Variants in DLEC1 observed in about 807,000 individuals in gnomAD.
The protein encoded by DLEC1 is DLEC1 cilia and flagella associated protein.
DLEC1 carries 146 observed loss-of-function variants against 198.1 expected under a neutral mutation model. The ratio of observed to expected loss-of-function variants is 0.74; its 90% CI spans 0.64 to 0.85. The LOEUF (loss-of-function observed/expected upper bound fraction) is 0.85, where lower values mean the gene tolerates loss of function less well. DLEC1 is among the 40% of genes least tolerant of loss of function. The probability of loss-of-function intolerance (pLI) is 0.00; values close to 1 mark genes in which losing one functional copy is unlikely to be tolerated. For missense variants in DLEC1, 2,233 were observed against 2,220.0 expected (o/e 1.01, Z -0.12); for synonymous variants, 897 against 866.8 (o/e 1.03, Z -0.61).
In DLEC1 at chr3:38,112,397, G is replaced by A. The variant is rs750230068; in HGVS notation, c.3666+36G>A. On this transcript the variant is annotated intron_variant, in intron 25 of 36. Transcript: ENST00000308059. This position sits in a 1 kb window ranked among gnomAD's most constrained non-coding sequence, Gnocchi z 4.8. ...ACAAGAGGGCAGTGGCCTGGGGGGT[G>A]GAGAGTCTGCCCAGCCCTCGCCTTC... The A allele has an allele frequency of 1.9e-6, 3 of 1,607,210 alleles. No individual in the cohort carries two copies. The African/African-American group carries it at 4.0e-5, about 21-fold the overall frequency.
intron 34 of DLEC1, among the ~76,000 whole-genome samples, chr3:38,121,335 G>A (rs1395991370): frequency 1.3e-5 from 2 of 152,242 alleles, no homozygotes; most frequent in Admixed American, 6.5e-5. Context: ...ACCACAGGAG[G>A]AGCAGTGAAG....
At position 38,097,349 on chromosome 3, in the gene DLEC1, G is replaced by T. The variant is rs1384387913; in HGVS notation, c.2434+74G>T. 4.0e-5 allele frequency: 61 copies of T among 1,537,022 alleles called. 1 individual carries two copies. The South Asian group carries it at 4.5e-4, about 11-fold the overall frequency. On this transcript the variant is annotated intron_variant, in intron 16 of 36. Coordinates refer to ENST00000308059, the MANE Select transcript of DLEC1 (RefSeq NM_007335.4). ...AGGAAGAAATCTTCAGAGTTAAAGG[G>T]GCTTATGCAGGGCTCTTGGTGTCCT...
In DLEC1 at chr3:38,100,406, G is replaced by A. The variant is rs776389172; in HGVS notation, c.2845G>A (p.Val949Met). The change falls in exon 19 of 37, where the codon GTG becomes ATG. Residue 949 changes from valine to methionine, a missense_variant. By Grantham distance (21) the Val-to-Met change is conservative. Coordinates refer to ENST00000308059, the MANE Select transcript of DLEC1 (RefSeq NM_007335.4). ...QHLETVLELE[V>M]ENGAWSYLPV... ...TCTGGAGACCGTCCTGGAGCTGGAG[G>A]TGGAAAATGGTGCCTGGAGGTAAGG... 4.0e-5 allele frequency: 65 copies of A among 1,612,832 alleles called. No individual in the cohort carries two copies. Among genetic ancestry groups the A allele is most frequent in the Non-Finnish European group, 5.0e-5 (59 of 1,179,668 alleles).
rs1700244227 is a variant in DLEC1, at chr3:38,117,529, TAA to T, written c.4404_4405del (p.Ser1469CysfsTer17). The T allele has an allele frequency of 6.2e-7, 1 of 1,614,028 alleles. No homozygotes were observed. The highest frequency in any genetic ancestry group is 1.3e-5 in the African/African-American group (1 of 74,920). ...CAACAATGCCTATTGCTGGGCAGGC[TAA>T]GTGTGGAGCTGGACTACGGCGGCAG... On this transcript the variant is annotated frameshift_variant, in exon 32 of 37. Coordinates refer to ENST00000308059, the MANE Select transcript of DLEC1 (RefSeq NM_007335.4). LOFTEE classifies it high-confidence loss of function.
At position 38,045,526 on chromosome 3, in the gene DLEC1, G is replaced by T. The variant is rs1466960976; in HGVS notation, c.412-17G>T. On this transcript the variant is annotated splice_polypyrimidine_tract_variant and intron_variant, in intron 1 of 36. Transcript: ENST00000308059. Reference sequence around the variant, plus strand: ...AATCTCACCATATTTCTGTGCATTTGATCATCCCCCTGCCAGATTCGGGAG... The same window carrying T: ...AATCTCACCATATTTCTGTGCATTTTATCATCCCCCTGCCAGATTCGGGAG... 6.2e-7 allele frequency: 1 copy of T among 1,609,334 alleles called. No individual in the cohort carries two copies. Among genetic ancestry groups the T allele is most frequent in the South Asian group, 1.1e-5 (1 of 90,308 alleles).
At chr3:38,043,073 C>T (rs1700732666) in intron 1 of DLEC1, among the ~76,000 whole-genome samples, 1 of 152,128 alleles carries the variant, frequency 6.6e-6, no homozygotes, top group African/African-American at 2.4e-5. Context: ...TGATCTTCCC[C>T]AAGCCCACCT....
At chr3:38,115,166 T>G (rs1261885290) in intron 27 of DLEC1, 113 bp downstream of exon 27, 7 of 1,132,158 alleles carry the variant, frequency 6.2e-6, no homozygotes, top group Non-Finnish European at 7.8e-6. Context: ...AGGACCCAGG[T>G]GTCCAGGGGG....
chr3:38,090,890 C>A (rs1430147517), intron 10 of DLEC1, among the ~76,000 whole-genome samples: 6 of 152,098 alleles, frequency 3.9e-5, no homozygotes, highest in Non-Finnish European at 8.8e-5. Context: ...CAATTATCAA[C>A]CCTTGGCCAA....
In DLEC1 at chr3:38,100,564, A is replaced by C. The variant is rs112627530; in HGVS notation, c.2864+139A>C. ...AAATTAGTATTCTATAAAATTTGTA[A>C]ATTACAGAAAAGAAACTCAAAATGA... On this transcript the variant is annotated intron_variant, in intron 19 of 36. Transcript: ENST00000308059. 6.2e-4 allele frequency: 767 copies of C among 1,246,710 alleles called. 4 individuals carry two copies. In the African/African-American group the frequency reaches 0.01, roughly 17 times the overall value. The allele number at this position is 1,246,710 out of a possible 1,614,324, so 77.2% of individuals were successfully genotyped here. A position where few individuals can be genotyped will look rare whatever the true frequency, so the allele number is the denominator to read the frequency against.
chr3:38,066,695 C>T (rs1308133091), intron 6 of DLEC1, among the ~76,000 whole-genome samples: 1 of 152,232 alleles, frequency 6.6e-6, no homozygotes, highest in Non-Finnish European at 1.5e-5. Flanking sequence ...TGATAGCAAT[C>T]CCTTCACATG....
intron 10 of DLEC1, among the ~76,000 whole-genome samples, chr3:38,089,612 T>A (rs1698639512): frequency 6.6e-6 from 1 of 152,126 alleles, no homozygotes; most frequent in South Asian, 2.1e-4. Flanking sequence ...GGTTCTCTGT[T>A]CTCTTGGTGT....
At chr3:38,082,014 G>A (rs1478392070) in intron 6 of DLEC1, among the ~76,000 whole-genome samples, 8 of 127,386 alleles carry the variant, frequency 6.3e-5, no homozygotes, top group South Asian at 2.7e-4. Context: ...CAGCTGCCGG[G>A]CGGAGGGGCT....
chr3:38,071,180 A>G (rs1376528182), intron 6 of DLEC1, among the ~76,000 whole-genome samples: 2 of 152,186 alleles, frequency 1.3e-5, no homozygotes, highest in African/African-American at 2.4e-5. Flanking sequence ...ATGATTGGTG[A>G]TGGCCTGGAT....
chr3:38,053,062 G>A (rs574565237), intron 2 of DLEC1, among the ~76,000 whole-genome samples: 1 of 152,364 alleles, frequency 6.6e-6, no homozygotes, highest in South Asian at 2.1e-4. Flanking sequence ...GAGGTGCCGG[G>A]ATTGTAGACG....
intron 7 of DLEC1, 85 bp downstream of exon 7, chr3:38,084,330 ATGG>A: frequency 1.0e-6 from 1 of 983,280 alleles, no homozygotes; most frequent in Non-Finnish European, 1.4e-6. Flanking sequence ...GGTGGTAGTA[ATGG>A]TAGCAATGAT....
At chr3:38,054,531 T>C (rs1029152337) in intron 2 of DLEC1, among the ~76,000 whole-genome samples, 12 of 152,238 alleles carry the variant, frequency 7.9e-5, no homozygotes, top group African/African-American at 2.9e-4. Context: ...GCAGATGCTA[T>C]GCAAGCAGTG....
chr3:38,109,923 A>G, intron 22 of DLEC1, 176 bp from the exon 23 acceptor site: 2 of 751,080 alleles, frequency 2.7e-6, no homozygotes, highest in Non-Finnish European at 4.2e-6. Context: ...GGCCTCTCTC[A>G]GCATCATGGG....
intron 6 of DLEC1, among the ~76,000 whole-genome samples, chr3:38,082,935 G>A (rs868845902): frequency 9.9e-5 from 15 of 152,168 alleles, no homozygotes; most frequent in Admixed American, 5.2e-4. Context: ...GTCCGTGACC[G>A]GCGCCGGAGT....
chr3:38,120,688 G>A, intron 34 of DLEC1, 79 bp downstream of exon 34: 1 of 1,569,468 alleles, frequency 6.4e-7, no homozygotes, highest in Non-Finnish European at 8.7e-7. Flanking sequence ...GAGGAGGAAA[G>A]ACCTAGCAGG....
Sources: allele counts gnomAD v4.1 joint callset (sites outside exome capture counted in the v4.1 genomes callset), GRCh38; gene constraint gnomAD v4.1.1; non-coding constraint Gnocchi (gnomAD v3.1); transcripts MANE v1.5; gene names NCBI Gene and HGNC (gene_info 2026-07-23, HGNC 2026-07-21).